OSBPL3: variants seen among roughly 807,000 people sequenced by gnomAD.
The protein encoded by OSBPL3 is oxysterol-binding protein-related protein 3.
In OSBPL3, 65 loss-of-function variants were observed where a neutral mutation model predicts 120.1. The ratio of observed to expected loss-of-function variants is 0.54; its 90% CI spans 0.44 to 0.67. The LOEUF is 0.67. Ranked by LOEUF, OSBPL3 falls within the 30% of genes least tolerant of loss-of-function variation. The pLI is 0.00. For missense variants in OSBPL3, 1,004 were observed against 1,082.1 expected, an observed-to-expected ratio of 0.93 and a Z score of 1.01; for synonymous variants, 416 against 402.6, an observed-to-expected ratio of 1.03 and a Z score of -0.40.
At position 24,872,297 on chromosome 7, in the gene OSBPL3, G is replaced by T. The variant is rs1802241198; in HGVS notation, c.97-228C>A. 6.6e-6 allele frequency among the ~76,000 whole-genome samples: 1 copy of T among 151,302 alleles called. No individual in the cohort carries two copies. On this transcript the variant is annotated intron_variant, in intron 2 of 22. Transcript: ENST00000313367. The surrounding 1 kb of genome is among the most constrained non-coding windows in gnomAD (Gnocchi z 4.1). The stretch of plus-strand genomic sequence containing the variant: ...TTTTTTTAAAGCTCTTTTTTTTTTA[G>T]AAGGGAATGTTTCTTTCGGTGTTTG...
intron 1 of OSBPL3, among the ~76,000 whole-genome samples, chr7:24,927,075 C>CAAGAGAAAATGCTT (rs544178319): frequency 9.5e-4 from 145 of 152,232 alleles, no homozygotes; most frequent in African/African-American, 3.3e-3. Context: ...AAGCATGCTA[C>CAAGAGAAAATGCTT]AAGAGAAAAT....
intron 1 of OSBPL3, among the ~76,000 whole-genome samples, chr7:24,901,260 G>A (rs764952792): frequency 1.3e-5 from 2 of 152,006 alleles, no homozygotes; most frequent in Non-Finnish European, 2.9e-5. Flanking sequence ...CCAGGAGGTG[G>A]AGCTGAGATG....
intron 1 of OSBPL3, among the ~76,000 whole-genome samples, chr7:24,954,081 T>C (rs754333521): frequency 3.3e-5 from 5 of 152,194 alleles, no homozygotes; most frequent in Non-Finnish European, 7.4e-5. Flanking sequence ...TCCACTCTTC[T>C]ACTTTCTCCC....
Position 24,867,469 on chromosome 7 carries a change from A to G in OSBPL3, c.382-1232T>C, listed in dbSNP as rs1429462128. On this transcript the variant is annotated intron_variant, in intron 5 of 22. Transcript: ENST00000313367. The surrounding 1 kb of genome is among the most constrained non-coding windows in gnomAD (Gnocchi z 4.5). ...GGAGGGACCTGGTCAGTGAGAGGTA[A>G]CTGGATCATGGGGGCAAGTCATTCC... is the stretch of plus-strand genomic sequence containing the variant. 6.6e-6 allele frequency among the ~76,000 whole-genome samples: 1 copy of G among 152,062 alleles called. No homozygotes were observed. The highest frequency in any genetic ancestry group is 2.4e-5 in the African/African-American group (1 of 41,410).
intron 1 of OSBPL3, among the ~76,000 whole-genome samples, chr7:24,904,257 G>A (rs1393954721): frequency 1.3e-5 from 2 of 152,012 alleles, no homozygotes; most frequent in Non-Finnish European, 2.9e-5. Flanking sequence ...TTTTGGAGGG[G>A]AGAAGTGGGA....
At position 24,804,151 on chromosome 7, in the gene OSBPL3, G is replaced by A. The variant is rs567937482; in HGVS notation, c.2567+164C>T. Among the ~76,000 whole-genome samples the A allele has an allele frequency of 6.6e-5, 10 of 152,154 alleles. No homozygotes were observed. The highest frequency in any genetic ancestry group is 2.0e-4 in the Admixed American group (3 of 15,276). On this transcript the variant is annotated intron_variant, in intron 22 of 22. Transcript: ENST00000313367. The surrounding 1 kb of genome is among the most constrained non-coding windows in gnomAD (Gnocchi z 5.4). ...AGAGGGAGAGCCTGAAGGTAAGTGC[G>A]GGGGACAGGGCCTGGCACAGAGGAG...
intron 1 of OSBPL3, among the ~76,000 whole-genome samples, chr7:24,969,657 G>A (rs1816781644): frequency 6.6e-6 from 1 of 151,906 alleles, no homozygotes; most frequent in Non-Finnish European, 1.5e-5. Flanking sequence ...ATTATCCCTT[G>A]TGGAATCATC....
intron 12 of OSBPL3, among the ~76,000 whole-genome samples, chr7:24,843,649 C>A (rs540618194): frequency 6.6e-6 from 1 of 152,144 alleles, no homozygotes; most frequent in Non-Finnish European, 1.5e-5. Context: ...AAATAGATAT[C>A]CCTTTCCTAA....
rs1163559896 is a variant in OSBPL3, at chr7:24,817,833, C to T, written c.1949-1145G>A. Reference sequence around the variant, plus strand: ...GGTCAACTAGGTGACAAGTTAGATACAGACTGAAAAAGAACGAATTTATGA... The same window carrying T: ...GGTCAACTAGGTGACAAGTTAGATATAGACTGAAAAAGAACGAATTTATGA... On this transcript the variant is annotated intron_variant, in intron 17 of 22. Coordinates refer to ENST00000313367, the MANE Select transcript of OSBPL3 (RefSeq NM_015550.4). This position sits in a 1 kb window ranked among gnomAD's most constrained non-coding sequence, Gnocchi z 4.0. Among the ~76,000 whole-genome samples the T allele has an allele frequency of 6.6e-6, 1 of 152,180 alleles. No individual in the cohort carries two copies. Among genetic ancestry groups the T allele is most frequent in the Admixed American group, 6.5e-5 (1 of 15,278 alleles).
In OSBPL3 at chr7:24,871,651, C is replaced by A; in HGVS notation, c.267+91G>T. 1 of 936,796 alleles carries A rather than the reference C, an allele frequency of 1.1e-6. No individual in the cohort carries two copies. Among genetic ancestry groups the A allele is most frequent in the Non-Finnish European group, 1.7e-6 (1 of 593,124 alleles). The allele number at this position is 936,796 out of a possible 1,614,324, so 58.0% of individuals were successfully genotyped here. A position where few individuals can be genotyped will look rare whatever the true frequency, so the allele number is the denominator to read the frequency against. ...CTATGGTTTCCAGTTCCGAGAAAAGCTATCCTCAACTATACACACTCTCAT... is the reference window on the plus strand; with the variant it reads ...CTATGGTTTCCAGTTCCGAGAAAAGATATCCTCAACTATACACACTCTCAT... On this transcript the variant is annotated intron_variant, in intron 4 of 22. Transcript: ENST00000313367. This position sits in a 1 kb window ranked among gnomAD's most constrained non-coding sequence, Gnocchi z 4.8.
rs1431880643 is a variant in OSBPL3, at chr7:24,968,694, C to T, written c.-150+11192G>A. ...TTACAGGTGTGAGCCACGGCGCCAGCCTCAGCCCACCAATTTTATCCATGT... is the reference window on the plus strand; with the variant it reads ...TTACAGGTGTGAGCCACGGCGCCAGTCTCAGCCCACCAATTTTATCCATGT... On this transcript the variant is annotated intron_variant, in intron 1 of 22. Coordinates refer to ENST00000313367, the MANE Select transcript of OSBPL3 (RefSeq NM_015550.4). This position sits in a 1 kb window ranked among gnomAD's most constrained non-coding sequence, Gnocchi z 4.6. Among the ~76,000 whole-genome samples, 5 of 152,174 alleles carry T rather than the reference C, an allele frequency of 3.3e-5. No individual in the cohort carries two copies. The highest frequency in any genetic ancestry group is 7.3e-5 in the Non-Finnish European group (5 of 68,028).
chr7:24,909,776 T>C (rs774831667), intron 1 of OSBPL3, among the ~76,000 whole-genome samples: 1,540 of 121,760 alleles, frequency 0.013, 50 homozygotes, highest in East Asian at 0.061. Context: ...CTGTTTTTTT[T>C]TTCTTTCTTT....
intron 6 of OSBPL3, among the ~76,000 whole-genome samples, chr7:24,865,797 C>T (rs1301425392): frequency 6.6e-6 from 1 of 152,144 alleles, no homozygotes; most frequent in Non-Finnish European, 1.5e-5. Context: ...GAAAAGGAAA[C>T]CAAACTCAAA....
At position 24,940,608 on chromosome 7, in the gene OSBPL3, T is replaced by C. The variant is rs1056389393; in HGVS notation, c.-150+39278A>G. ...CATCTCAAAGTGAGAGCACCAGTGTTTGGCCACTGGAGCGGGCGGCTGAGG... is the reference window on the plus strand; with the variant it reads ...CATCTCAAAGTGAGAGCACCAGTGTCTGGCCACTGGAGCGGGCGGCTGAGG... On this transcript the variant is annotated intron_variant, in intron 1 of 22. Transcript: ENST00000313367. The surrounding 1 kb of genome is among the most constrained non-coding windows in gnomAD (Gnocchi z 4.4). Among the ~76,000 whole-genome samples the C allele has an allele frequency of 1.2e-4, 18 of 152,012 alleles. No homozygotes were observed. Among genetic ancestry groups the C allele is most frequent in the Non-Finnish European group, 2.2e-4 (15 of 68,006 alleles).
Position 24,813,293 on chromosome 7 carries a change from G to A in OSBPL3, c.2172+1766C>T, listed in dbSNP as rs985122023. ...AGGGACACTGTCACCTTCCACAGGC[G>A]AGTGTGGCATCCACTTGCAGCATCT... On this transcript the variant is annotated intron_variant, in intron 19 of 22. Transcript: ENST00000313367. This position sits in a 1 kb window ranked among gnomAD's most constrained non-coding sequence, Gnocchi z 4.5. Among the ~76,000 whole-genome samples the A allele has an allele frequency of 4.6e-5, 7 of 152,176 alleles. No homozygotes were observed. Among genetic ancestry groups the A allele is most frequent in the African/African-American group, 1.7e-4 (7 of 41,430 alleles).
chr7:24,805,721 C>T lies in OSBPL3; in HGVS notation c.2444+1055G>A, dbSNP rs984924864. 6.6e-6 allele frequency among the ~76,000 whole-genome samples: 1 copy of T among 152,194 alleles called. No individual in the cohort carries two copies. The highest frequency in any genetic ancestry group is 2.4e-5 in the African/African-American group (1 of 41,442). ...TGGGCCCATTTGGGACCAACTGTTA[C>T]AGCTGACATACGTAAACTGTTTCAC... On this transcript the variant is annotated intron_variant, in intron 21 of 22. Coordinates refer to ENST00000313367, the MANE Select transcript of OSBPL3 (RefSeq NM_015550.4). The surrounding 1 kb of genome is among the most constrained non-coding windows in gnomAD (Gnocchi z 4.0).
Position 24,959,281 on chromosome 7 carries a change from T to C in OSBPL3, c.-150+20605A>G, listed in dbSNP as rs1357424521. Among the ~76,000 whole-genome samples, 3 of 152,080 alleles carry C rather than the reference T, an allele frequency of 2.0e-5. No homozygotes were observed. Among genetic ancestry groups the C allele is most frequent in the Admixed American group, 6.5e-5 (1 of 15,268 alleles). On this transcript the variant is annotated intron_variant, in intron 1 of 22. Transcript: ENST00000313367. This position sits in a 1 kb window ranked among gnomAD's most constrained non-coding sequence, Gnocchi z 4.3. The stretch of plus-strand genomic sequence containing the variant: ...TCACCAAAAGTTATGTACGAGAATA[T>C]TCACAGCAGCACTAATCATAAAAAC...
intron 7 of OSBPL3, among the ~76,000 whole-genome samples, chr7:24,865,069 C>A (rs1022883471): frequency 6.6e-6 from 1 of 152,130 alleles, no homozygotes; most frequent in Non-Finnish European, 1.5e-5. Flanking sequence ...TGGAGACTGA[C>A]TTATAGGCCC....
chr7:24,981,802 C>G (rs1016605975), upstream of OSBPL3, among the ~76,000 whole-genome samples: 5 of 152,166 alleles, frequency 3.3e-5, no homozygotes, highest in Non-Finnish European at 7.4e-5. This position sits in a 1 kb window ranked among gnomAD's most constrained non-coding sequence, Gnocchi z 7.3. Context: ...TCGCAAAGCC[C>G]GACCAGCGCC....
Sources: gnomAD v4.1 joint callset for allele counts (sites outside exome capture counted in the v4.1 genomes callset) on GRCh38, gnomAD v4.1.1 for gene constraint, Gnocchi (gnomAD v3.1) non-coding constraint, MANE v1.5 for transcripts, NCBI Gene and HGNC (gene_info 2026-07-23, HGNC 2026-07-21) for gene names.